The following COLGALT2 variants were observed in gnomAD, a reference collection of about 807,000 sequenced individuals.
COLGALT2 encodes the protein collagen beta(1-O)galactosyltransferase 2, also known as procollagen galactosyltransferase 2.
COLGALT2 carries 49 observed loss-of-function variants against 73.4 expected under a neutral mutation model. The ratio of observed to expected loss-of-function variants is 0.67; its 90% CI spans 0.53 to 0.85. The LOEUF (loss-of-function observed/expected upper bound fraction) is 0.85, where lower values mean the gene tolerates loss of function less well. Ranked by LOEUF, COLGALT2 falls within the 40% of genes least tolerant of loss-of-function variation. The pLI is 0.00. For synonymous variants in COLGALT2, 295 were observed against 307.6 expected, an observed-to-expected ratio of 0.96 and a Z score of 0.43; for missense variants, 722 against 790.2, an observed-to-expected ratio of 0.91 and a Z score of 1.03.
chr1:184,017,440 G>A (rs1013417151), intron 1 of COLGALT2, among the ~76,000 whole-genome samples: 4 of 152,084 alleles, frequency 2.6e-5, no homozygotes, highest in African/African-American at 7.2e-5. Flanking sequence ...CCAGCCAGAC[G>A]GCAGAGCCTT....
chr1:183,979,909 T>C (rs990627422), intron 1 of COLGALT2, among the ~76,000 whole-genome samples: 1 of 152,094 alleles, frequency 6.6e-6, no homozygotes, highest in Non-Finnish European at 1.5e-5. Flanking sequence ...ATTGAAATTA[T>C]ATAAACAACA....
At chr1:184,013,362 A>G (rs930646053) in intron 1 of COLGALT2, among the ~76,000 whole-genome samples, 1 of 152,220 alleles carries the variant, frequency 6.6e-6, no homozygotes, top group Admixed American at 6.5e-5. Flanking sequence ...TCGGTAAAGC[A>G]CACAATAGGT....
At chr1:183,941,992 A>G (rs1670126736) in intron 10 of COLGALT2, among the ~76,000 whole-genome samples, 1 of 150,190 alleles carries the variant, frequency 6.7e-6, no homozygotes, top group African/African-American at 2.5e-5. Flanking sequence ...TCTGTCGCCC[A>G]GGCTGGAGTG....
intron 6 of COLGALT2, among the ~76,000 whole-genome samples, chr1:183,962,223 G>A (rs189717560): frequency 4.3e-5 from 6 of 139,814 alleles, no homozygotes; most frequent in African/African-American, 1.1e-4. Flanking sequence ...GCAATGGCGC[G>A]ATCTTGGCTC....
intron 2 of COLGALT2, among the ~76,000 whole-genome samples, chr1:183,977,722 G>C (rs907040677): frequency 6.6e-6 from 1 of 151,800 alleles, no homozygotes; most frequent in Non-Finnish European, 1.5e-5. Flanking sequence ...CCAGGAGTAC[G>C]AGGTTACAGT....
At chr1:183,973,876 C>T in intron 3 of COLGALT2, 126 bp from the exon 4 acceptor site, 1 of 835,912 alleles carries the variant, frequency 1.2e-6, no homozygotes, top group Non-Finnish European at 1.9e-6. Context: ...TATCTATGTC[C>T]TCCTTATTGA....
downstream of COLGALT2, among the ~76,000 whole-genome samples, chr1:183,933,905 G>A (rs111306887): frequency 0.016 from 2,444 of 152,292 alleles, 33 homozygotes; most frequent in South Asian, 0.028. Flanking sequence ...CCTCAGAGAC[G>A]ATTCTTCATT....
chr1:183,996,519 G>C (rs1671773814), intron 1 of COLGALT2, among the ~76,000 whole-genome samples: 1 of 152,164 alleles, frequency 6.6e-6, no homozygotes, highest in African/African-American at 2.4e-5. Context: ...GCTCTGAAAA[G>C]GGGTATTTTC....
chr1:183,946,166 G>C (rs1670243844), intron 8 of COLGALT2: 1 of 152,374 alleles, frequency 6.6e-6, no homozygotes, highest in Non-Finnish European at 1.5e-5. Flanking sequence ...GATTTGACCT[G>C]ACTCAGAGTT....
intron 7 of COLGALT2, among the ~76,000 whole-genome samples, chr1:183,951,622 T>C (rs1670404371): frequency 6.6e-6 from 1 of 151,932 alleles, no homozygotes; most frequent in South Asian, 2.1e-4. Context: ...TTAATAATAC[T>C]CAGGAATAAA....
chr1:183,996,316 G>A (rs1041547481), intron 1 of COLGALT2, among the ~76,000 whole-genome samples: 1 of 152,188 alleles, frequency 6.6e-6, no homozygotes, highest in African/African-American at 2.4e-5. Context: ...GAAAGCTGAA[G>A]TGATAATGTT....
At position 183,975,113 on chromosome 1, in the gene COLGALT2, C is replaced by A; in HGVS notation, c.476G>T (p.Trp159Leu). The A allele has an allele frequency of 6.2e-7, 1 of 1,612,932 alleles. No individual in the cohort carries two copies. Among genetic ancestry groups the A allele is most frequent in the Admixed American group, 1.7e-5 (1 of 60,016 alleles). Residue 159 changes from tryptophan to leucine, a missense_variant, in exon 3 of 12, where the codon TGG becomes TTG. Trp to Leu is a moderately conservative substitution (Grantham distance 61). Coordinates refer to ENST00000361927, the MANE Select transcript of COLGALT2 (RefSeq NM_015101.4). Reference sequence around the variant, plus strand: ...TGTTTTTACCAGAATGTAGTCTGACCATTTTTCCCTCGCAGTTCGAAGGGC... The same window carrying A: ...TGTTTTTACCAGAATGTAGTCTGACAATTTTTCCCTCGCAGTTCGAAGGGC... ...QAALRTAREK[W>L]SDYILFIDVD...
chr1:183,958,640 A>T (rs992901012), intron 6 of COLGALT2, among the ~76,000 whole-genome samples: 3 of 150,606 alleles, frequency 2.0e-5, no homozygotes, highest in Non-Finnish European at 4.4e-5. Flanking sequence ...CAAGTCCACA[A>T]ACCAAACTGC....
chr1:183,981,572 G>A (rs1046953448), intron 1 of COLGALT2, among the ~76,000 whole-genome samples: 5 of 152,050 alleles, frequency 3.3e-5, no homozygotes, highest in East Asian at 3.9e-4. Context: ...CAGGAGAATC[G>A]CTTGAACCTG....
At chr1:183,932,324 C>A (rs902655119), downstream of COLGALT2, among the ~76,000 whole-genome samples, 1 of 152,116 alleles carries the variant, frequency 6.6e-6, no homozygotes, top group Non-Finnish European at 1.5e-5. Context: ...TGAATAGTTC[C>A]TACTTCTTGA....
At chr1:183,973,849 T>G (rs1342821889) in intron 3 of COLGALT2, 99 bp from the exon 4 acceptor site, 18 of 1,150,718 alleles carry the variant, frequency 1.6e-5, no homozygotes, top group Non-Finnish European at 2.0e-5. Context: ...AACTTGCTCA[T>G]GACATATGGA....
intron 1 of COLGALT2, among the ~76,000 whole-genome samples, chr1:184,023,193 C>T (rs113446638): frequency 0.022 from 3,321 of 152,254 alleles, 105 homozygotes; most frequent in African/African-American, 0.07. Context: ...TTTTCTGTAG[C>T]ATATAAACTC....
At position 184,037,463 on chromosome 1, in the gene COLGALT2, C is replaced by CG; in HGVS notation, c.-107dup. 2 of 1,206,246 alleles carry CG rather than the reference C, an allele frequency of 1.7e-6. No individual in the cohort carries two copies. The highest frequency in any genetic ancestry group is 2.1e-6 in the Non-Finnish European group (2 of 973,012). 74.7% of individuals were successfully genotyped at this position (1,206,246 alleles called of 1,614,324 possible). ...GGAGCAAGGGGCTGCGAGGGGCGGCCGGGGGATGCGGCTTGCCGCGGCCGG... is the reference window on the plus strand; with the variant it reads ...GGAGCAAGGGGCTGCGAGGGGCGGCCGGGGGGATGCGGCTTGCCGCGGCCGG... On this transcript the variant is annotated 5_prime_UTR_variant, in exon 1 of 12. Coordinates refer to ENST00000361927, the MANE Select transcript of COLGALT2 (RefSeq NM_015101.4).
chr1:183,945,759 G>T, intron 8 of COLGALT2, 195 bp from the exon 9 acceptor site: 1 of 613,798 alleles, frequency 1.6e-6, no homozygotes, highest in Non-Finnish European at 2.8e-6. Flanking sequence ...AGACAAGAGG[G>T]TATCATATTT....
Sources: gnomAD v4.1 joint callset for allele counts (sites outside exome capture counted in the v4.1 genomes callset) on GRCh38, gnomAD v4.1.1 for gene constraint, MANE v1.5 for transcripts, NCBI Gene and HGNC (gene_info 2026-07-23, HGNC 2026-07-21) for gene names.